The following CTHRC1 variants were observed in gnomAD, a reference collection of about 807,000 sequenced individuals.
CTHRC1 encodes the protein collagen triple helix repeat containing 1, also known as collagen triple helix repeat-containing protein 1.
Under a neutral mutation model 25.9 loss-of-function variants are expected in CTHRC1, and 21 were observed. The observed-to-expected ratio is 0.81, with a 90% CI of 0.57 to 1.17. The LOEUF is 1.17. CTHRC1 is among the 50% of genes most tolerant of loss of function. The pLI, the probability that CTHRC1 is intolerant of heterozygous loss-of-function variation, is 0.00. For missense variants in CTHRC1, 281 were observed against 304.3 expected (o/e 0.92, Z 0.57); for synonymous variants, 109 against 113.1 (o/e 0.96, Z 0.23).
intron 1 of CTHRC1, among the ~76,000 whole-genome samples, chr8:103,373,660 C>G (rs2687350): frequency 0.77 from 112,658 of 146,488 alleles, 43,435 homozygotes; most frequent in Middle Eastern, 0.83. Flanking sequence ...CTTGTCCTGT[C>G]CGTTGTCGCG....
chr8:103,381,702 A>G (rs1586100120), intron 3 of CTHRC1, among the ~76,000 whole-genome samples: 1 of 152,266 alleles, frequency 6.6e-6, no homozygotes, highest in South Asian at 2.1e-4. Context: ...TAATGTTATA[A>G]AAGTTATTTC....
chr8:103,382,499 GT>G lies in CTHRC1; in HGVS notation c.633del (p.Ala212LeufsTer65). 6.2e-7 allele frequency: 1 copy of G among 1,613,720 alleles called. No individual in the cohort carries two copies. The highest frequency in any genetic ancestry group is 8.5e-7 in the Non-Finnish European group (1 of 1,179,726). On this transcript the variant is annotated frameshift_variant, in exon 4 of 4. Transcript: ENST00000330295. LOFTEE classifies it high-confidence loss of function. ...CEGIGAGLVD[V>X]AIWVGTCSDY... is the part of the protein sequence containing the mutation. ...AGGAATTGGTGCTGGATTAGTGGATGTTGCTATCTGGGTTGGTACTTGTTCA... is the reference window on the plus strand; with the variant it reads ...AGGAATTGGTGCTGGATTAGTGGATGTGCTATCTGGGTTGGTACTTGTTCA...
At chr8:103,376,227 G>A (rs1321516975) in intron 2 of CTHRC1, among the ~76,000 whole-genome samples, 1 of 152,154 alleles carries the variant, frequency 6.6e-6, no homozygotes, top group Admixed American at 6.5e-5. Context: ...GAGCATATGT[G>A]TCTGTGTTGG....
In CTHRC1 at chr8:103,375,834, C is replaced by A. The variant is rs145881116; in HGVS notation, c.247C>A (p.Arg83=). The A allele has an allele frequency of 6.2e-7, 1 of 1,613,712 alleles. No homozygotes were observed. Among genetic ancestry groups the A allele is most frequent in the Admixed American group, 1.7e-5 (1 of 59,994 alleles). ...TCCGGGTACACCTGGGATCCCAGGTCGGGATGGATTCAAAGGAGAAAAGGG... is the reference window on the plus strand; with the variant it reads ...TCCGGGTACACCTGGGATCCCAGGTAGGGATGGATTCAAAGGAGAAAAGGG... ...GIPGTPGIPG[R]DGFKGEKGEC... is the part of the protein sequence containing the mutation. The change falls in exon 2 of 4, where the codon CGG becomes AGG. Residue 83 remains arginine, a synonymous_variant. Coordinates refer to ENST00000330295, the MANE Select transcript of CTHRC1 (RefSeq NM_138455.4).
intron 3 of CTHRC1, among the ~76,000 whole-genome samples, chr8:103,379,518 C>G (rs935992964): frequency 1.3e-5 from 2 of 151,880 alleles, no homozygotes; most frequent in African/African-American, 2.4e-5. Flanking sequence ...AGAGACACCA[C>G]TATCAATATT....
rs1255361025 is a variant in CTHRC1, at chr8:103,382,610, T to C, written c.*10T>C. On this transcript the variant is annotated 3_prime_UTR_variant, in exon 4 of 4. Transcript: ENST00000330295. ...AGAACTACCAAAATAAATGCTTTAA[T>C]TTTCATTTGCTACCTCTTTTTTTAT... The C allele has an allele frequency of 6.2e-7, 1 of 1,607,732 alleles. No individual in the cohort carries two copies. The highest frequency in any genetic ancestry group is 2.2e-5 in the East Asian group (1 of 44,732).
chr8:103,377,843 A>G (rs1458091271), intron 2 of CTHRC1, among the ~76,000 whole-genome samples, 184 bp from the exon 3 acceptor site: 1 of 152,180 alleles, frequency 6.6e-6, no homozygotes, highest in Non-Finnish European at 1.5e-5. Flanking sequence ...GCCTCAAGTA[A>G]TCTGCCCCCC....
intron 2 of CTHRC1, 28 bp downstream of exon 2, chr8:103,375,987 G>A: frequency 5.2e-6 from 8 of 1,551,268 alleles, no homozygotes; most frequent in Non-Finnish European, 7.1e-6. Flanking sequence ...TAAAATTGAA[G>A]CAAGATTTAA....
At chr8:103,376,105 T>C (rs1363137310) in intron 2 of CTHRC1, 146 bp downstream of exon 2, 1 of 680,138 alleles carries the variant, frequency 1.5e-6, no homozygotes, top group Non-Finnish European at 2.6e-6. Flanking sequence ...TTAAAACTAA[T>C]GAAAAAGTTT....
At chr8:103,373,361 C>G (rs1461930754) in intron 1 of CTHRC1, among the ~76,000 whole-genome samples, 1 of 152,050 alleles carries the variant, frequency 6.6e-6, no homozygotes. Flanking sequence ...TCAAAGCGTT[C>G]CTTTCAAGCT....
chr8:103,382,505 A>T lies in CTHRC1; in HGVS notation c.637A>T (p.Ile213Phe). The change falls in exon 4 of 4, where the codon ATC becomes TTC. Residue 213 changes from isoleucine (I) to phenylalanine (F), a missense_variant. Coordinates refer to ENST00000330295, the MANE Select transcript of CTHRC1 (RefSeq NM_138455.4). ...TGGTGCTGGATTAGTGGATGTTGCT[A>T]TCTGGGTTGGTACTTGTTCAGATTA... ...GIGAGLVDVAIWVGTCSDYPK... is the reference protein window; with the variant it reads ...GIGAGLVDVAFWVGTCSDYPK... The T allele has an allele frequency of 6.2e-7, 1 of 1,613,690 alleles. No homozygotes were observed. The highest frequency in any genetic ancestry group is 8.5e-7 in the Non-Finnish European group (1 of 1,179,682).
In CTHRC1 at chr8:103,382,545, C is replaced by G. The variant is rs1480270495; in HGVS notation, c.677C>G (p.Ala226Gly). ...GTCSDYPKGDASTGWNSVSRI... is the reference protein window; with the variant it reads ...GTCSDYPKGDGSTGWNSVSRI... ...TGTTCAGATTACCCAAAAGGAGATG[C>G]TTCTACTGGATGGAATTCAGTTTCT... is the stretch of plus-strand genomic sequence containing the variant. Residue 226 changes from alanine to glycine, a missense_variant, in exon 4 of 4, where the codon GCT becomes GGT. By Grantham distance (60) the Ala-to-Gly change is moderately conservative. Transcript: ENST00000330295. 1 of 1,613,132 alleles carries G rather than the reference C, an allele frequency of 6.2e-7. No homozygotes were observed. Among genetic ancestry groups the G allele is most frequent in the Admixed American group, 1.7e-5 (1 of 60,006 alleles).
intron 1 of CTHRC1, among the ~76,000 whole-genome samples, chr8:103,373,037 GC>G (rs1235340382): frequency 6.6e-6 from 1 of 152,142 alleles, no homozygotes; most frequent in East Asian, 1.9e-4. Context: ...ATGTGTTCAG[GC>G]AACAGTTCTA....
chr8:103,378,064 T>C lies in CTHRC1; in HGVS notation c.410T>C (p.Leu137Pro), dbSNP rs1196046904. 1 of 1,614,068 alleles carries C rather than the reference T, an allele frequency of 6.2e-7. No homozygotes were observed. Among genetic ancestry groups the C allele is most frequent in the African/African-American group, 1.3e-5 (1 of 74,946 alleles). ...TFTKMRSNSA[L>P]RVLFSGSLRL... ...ACAAAGATGCGTTCAAATAGTGCTCTAAGAGTTTTGTTCAGTGGCTCACTT... is the reference window on the plus strand; with the variant it reads ...ACAAAGATGCGTTCAAATAGTGCTCCAAGAGTTTTGTTCAGTGGCTCACTT... Residue 137 changes from leucine (L) to proline (P), a missense_variant, in exon 3 of 4, where the codon CTA (leucine) becomes CCA (proline). Physicochemically the swap from Leu to Pro is moderately conservative, Grantham distance 98. Transcript: ENST00000330295.
In CTHRC1 at chr8:103,382,654, A is replaced by T; in HGVS notation, c.*54A>T. ...TTTTTATTATGCCTTGGAATGGTTC[A>T]CTTAAATGACATTTTAAATAAGTTT... On this transcript the variant is annotated 3_prime_UTR_variant, in exon 4 of 4. Transcript: ENST00000330295. 1 of 1,437,314 alleles carries T rather than the reference A, an allele frequency of 7.0e-7. No individual in the cohort carries two copies. The highest frequency in any genetic ancestry group is 1.1e-5 in the South Asian group (1 of 87,292). 89.0% of individuals were successfully genotyped at this position (1,437,314 alleles called of 1,614,324 possible). A position where few individuals can be genotyped will look rare whatever the true frequency, so the allele number is the denominator to read the frequency against.
At chr8:103,371,858 G>C in intron 1 of CTHRC1, 52 bp downstream of exon 1, 1 of 1,450,988 alleles carries the variant, frequency 6.9e-7, no homozygotes, top group Non-Finnish European at 9.1e-7. Context: ...AGGGGACCTG[G>C]CCGCGCGCCC....
At position 103,371,769 on chromosome 8, in the gene CTHRC1, A is replaced by G; in HGVS notation, c.113A>G (p.Gln38Arg). The stretch of plus-strand genomic sequence containing the variant: ...GCCTCTGAGATCCCCAAGGGGAAGC[A>G]AAAGGCGCAGCTCCGGCAGAGGGAG... ...SSASEIPKGK[Q>R]KAQLRQREVV... Residue 38 changes from glutamine to arginine, a missense_variant, in exon 1 of 4, where the codon CAA (glutamine) becomes CGA (arginine). By Grantham distance (43) the Gln-to-Arg change is conservative (BLOSUM62 1). Coordinates refer to ENST00000330295, the MANE Select transcript of CTHRC1 (RefSeq NM_138455.4). 3 of 1,534,534 alleles carry G rather than the reference A, an allele frequency of 2.0e-6. No homozygotes were observed. Among genetic ancestry groups the G allele is most frequent in the Non-Finnish European group, 2.6e-6 (3 of 1,140,372 alleles).
chr8:103,374,526 G>A (rs1238506313), intron 1 of CTHRC1, among the ~76,000 whole-genome samples: 2 of 152,162 alleles, frequency 1.3e-5, no homozygotes, highest in East Asian at 3.9e-4. Context: ...TGGGGCACAG[G>A]ATATCACCTT....
intron 1 of CTHRC1, among the ~76,000 whole-genome samples, chr8:103,374,958 C>T (rs1156756486): frequency 3.9e-5 from 6 of 152,182 alleles, no homozygotes; most frequent in Non-Finnish European, 7.3e-5. Flanking sequence ...ACAAGATGTC[C>T]TTCTCCAAAC....
Sources: allele counts gnomAD v4.1 joint callset (sites outside exome capture counted in the v4.1 genomes callset), GRCh38; gene constraint gnomAD v4.1.1; transcripts MANE v1.5; gene names NCBI Gene and HGNC (gene_info 2026-07-23, HGNC 2026-07-21).